The following TMEM145 variants were observed in gnomAD, a reference collection of about 807,000 sequenced individuals.
The protein encoded by TMEM145 is transmembrane protein 145.
TMEM145 carries 46 observed loss-of-function variants against 68.5 expected under a neutral mutation model. The ratio of observed to expected loss-of-function variants is 0.67; its 90% CI spans 0.53 to 0.86. TMEM145 has a LOEUF of 0.86. TMEM145 is among the 40% of genes least tolerant of loss of function. The pLI is 0.00. For missense variants in TMEM145, 570 were observed against 645.8 expected (o/e 0.88, Z 1.27); for synonymous variants, 255 against 280.2 (o/e 0.91, Z 0.90).
At chr19:42,324,694 C>A in intron 14 of TMEM145, 43 bp from the exon 15 acceptor site, 2 of 1,044,776 alleles carry the variant, frequency 1.9e-6, no homozygotes, top group Non-Finnish European at 2.5e-6. Flanking sequence ...CCCTCTGTGC[C>A]AAACGGTCCC....
At position 42,316,875 on chromosome 19, in the gene TMEM145, G is replaced by A. The variant is rs759395889; in HGVS notation, c.812G>A (p.Arg271His). 1.2e-5 allele frequency: 19 copies of A among 1,613,026 alleles called. No individual in the cohort carries two copies. The highest frequency in any genetic ancestry group is 3.3e-5 in the South Asian group (3 of 91,076). The change falls in exon 11 of 15, where the codon CGC becomes CAC. Residue 271 changes from arginine to histidine, a missense_variant. By Grantham distance (29) the Arg-to-His change is conservative. Coordinates refer to ENST00000301204, the MANE Select transcript of TMEM145 (RefSeq NM_173633.3). ...CCCTCATGGCCTGCTGCCAGGGGCC[G>A]CATCAGCCACGCGGGCTCCGTGAAG... ...LGKGFTVTRG[R>H]ISHAGSVKLS...
chr19:42,323,620 C>G lies in TMEM145; in HGVS notation c.1232C>G (p.Pro411Arg). ...CCATCAGCGGCCAACAAGAACTTCC[C>G]GTACCACGTGCGCACGTCGCAGATC... is the stretch of plus-strand genomic sequence containing the variant. ...TRPSAANKNF[P>R]YHVRTSQIAS... Residue 411 changes from proline to arginine, a missense_variant, in exon 14 of 15, where the codon CCG becomes CGG. Pro to Arg is a moderately radical substitution (Grantham distance 103). Transcript: ENST00000301204. 6.2e-7 allele frequency: 1 copy of G among 1,614,170 alleles called. No homozygotes were observed. Among genetic ancestry groups the G allele is most frequent in the Non-Finnish European group, 8.5e-7 (1 of 1,180,016 alleles).
At chr19:42,321,345 A>C (rs1331704043) in intron 13 of TMEM145, 7 of 340,646 alleles carry the variant, frequency 2.1e-5, no homozygotes, top group Non-Finnish European at 3.6e-5. Context: ...CCTCCGGAGT[A>C]GCTGGGACTA....
rs761158439 is a variant in TMEM145, at chr19:42,317,763, C to T, written c.955C>T (p.Leu319Phe). Residue 319 changes from leucine (L) to phenylalanine (F), a missense_variant, in exon 12 of 15, where the codon CTC (leucine) becomes TTC (phenylalanine). Physicochemically the swap from Leu to Phe is conservative, Grantham distance 22. Transcript: ENST00000301204. ...GTATGAGTCGCCGGCCGGCTACGGG[C>T]TCATTGGACTGCAGGTGGCGGCCTA... ...YTYESPAGYGLIGLQVAAYVW... is the reference protein window; with the variant it reads ...YTYESPAGYGFIGLQVAAYVW... 6.2e-7 allele frequency: 1 copy of T among 1,614,144 alleles called. No individual in the cohort carries two copies. Among genetic ancestry groups the T allele is most frequent in the Non-Finnish European group, 8.5e-7 (1 of 1,180,022 alleles).
chr19:42,321,298 C>T (rs1437976341), intron 13 of TMEM145: 5 of 392,056 alleles, frequency 1.3e-5, no homozygotes, highest in Admixed American at 4.5e-5. Context: ...GATCTTGGCT[C>T]ACTGCAACCT....
chr19:42,315,461 T>G, intron 8 of TMEM145, 21 bp downstream of exon 8: 1 of 1,613,888 alleles, frequency 6.2e-7, no homozygotes, highest in Non-Finnish European at 8.5e-7. Flanking sequence ...GTGTCCCAAC[T>G]TTTGGGTTCT....
In TMEM145 at chr19:42,314,490, C is replaced by A. The variant is rs759635439; in HGVS notation, c.235C>A (p.Pro79Thr). ...CQNILLYFDD[P>T]SQWPAVYKAG... is the part of the protein sequence containing the mutation. The stretch of plus-strand genomic sequence containing the variant: ...GAACATCCTCCTCTATTTTGATGAC[C>A]CATCCCAGTGGCCAGCCGTGTACAA... Residue 79 changes from proline (P) to threonine (T), a missense_variant, in exon 3 of 15, where the codon CCA becomes ACA. By Grantham distance (38) the Pro-to-Thr change is conservative. Coordinates refer to ENST00000301204, the MANE Select transcript of TMEM145 (RefSeq NM_173633.3). The A allele has an allele frequency of 6.2e-7, 1 of 1,614,096 alleles. No homozygotes were observed. The highest frequency in any genetic ancestry group is 1.1e-5 in the South Asian group (1 of 91,070).
At position 42,314,836 on chromosome 19, in the gene TMEM145, C is replaced by A. The variant is rs760660404; in HGVS notation, c.405C>A (p.Gly135=). The A allele has an allele frequency of 6.2e-7, 1 of 1,614,202 alleles. No individual in the cohort carries two copies. The highest frequency in any genetic ancestry group is 1.1e-5 in the South Asian group (1 of 91,088). The change falls in exon 5 of 15, where the codon GGC becomes GGA. Residue 135 remains glycine, a synonymous_variant. Transcript: ENST00000301204. ...CCCGCTACCTGAGCTGCTCCAGTGG[C>A]CGCAGCTTCCGCTCAGTGCGTGAAC... is the stretch of plus-strand genomic sequence containing the variant. ...EGTRYLSCSS[G]RSFRSGDGLQ... is the part of the protein sequence containing the mutation.
At chr19:42,323,322 C>T (rs1364016917) in intron 13 of TMEM145, among the ~76,000 whole-genome samples, 1 of 152,174 alleles carries the variant, frequency 6.6e-6, no homozygotes, top group East Asian at 1.9e-4. Flanking sequence ...TCATACAGTG[C>T]AGGACGCTGA....
intron 1 of TMEM145, 124 bp from the exon 2 acceptor site, chr19:42,314,148 C>T: frequency 2.1e-6 from 2 of 956,916 alleles, no homozygotes; most frequent in Non-Finnish European, 3.4e-6. Flanking sequence ...TTGGAGGTGA[C>T]CTGGTCTCCT....
In TMEM145 at chr19:42,320,425, T is replaced by C. The variant is rs1355873971; in HGVS notation, c.1182T>C (p.His394=). The change falls in exon 13 of 15, where the codon CAT becomes CAC. Residue 394 remains histidine, a synonymous_variant. Transcript: ENST00000301204. ...GIQLGIHLYA[H]GVFLIMTRPS... ...AGCTGGGGATCCACTTGTACGCCCATGGCGTGTTTCTGGTGAGGATGGGCA... is the reference window on the plus strand; with the variant it reads ...AGCTGGGGATCCACTTGTACGCCCACGGCGTGTTTCTGGTGAGGATGGGCA... 6.2e-7 allele frequency: 1 copy of C among 1,613,924 alleles called. No individual in the cohort carries two copies. The highest frequency in any genetic ancestry group is 1.1e-5 in the South Asian group (1 of 91,076).
intron 13 of TMEM145, among the ~76,000 whole-genome samples, chr19:42,320,758 G>T (rs1173995604): frequency 1.3e-5 from 2 of 151,916 alleles, no homozygotes; most frequent in African/African-American, 4.8e-5. Context: ...CTCCCGAGTA[G>T]CTGGGATTAC....
At position 42,313,990 on chromosome 19, in the gene TMEM145, G is replaced by T. The variant is rs969324653; in HGVS notation, c.121-282G>T. 6.6e-6 allele frequency among the ~76,000 whole-genome samples: 1 copy of T among 151,922 alleles called. No homozygotes were observed. Among genetic ancestry groups the T allele is most frequent in the Admixed American group, 6.6e-5 (1 of 15,258 alleles). On this transcript the variant is annotated intron_variant, in intron 1 of 14. Coordinates refer to ENST00000301204, the MANE Select transcript of TMEM145 (RefSeq NM_173633.3). This position sits in a 1 kb window ranked among gnomAD's most constrained non-coding sequence, Gnocchi z 5.1. ...ATGAGGTGGCCAGGATGAGCATCTG[G>T]CCCCTAAGGTCTTTCTCCCCAGAAA...
At position 42,320,207 on chromosome 19, in the gene TMEM145, G is replaced by T. The variant is rs2038897952; in HGVS notation, c.1074-110G>T. 3 of 1,477,638 alleles carry T rather than the reference G, an allele frequency of 2.0e-6. No individual in the cohort carries two copies. The African/African-American group carries it at 4.1e-5, about 20-fold the overall frequency. 91.5% of individuals were successfully genotyped at this position (1,477,638 alleles called of 1,614,324 possible). On this transcript the variant is annotated intron_variant, in intron 12 of 14. Coordinates refer to ENST00000301204, the MANE Select transcript of TMEM145 (RefSeq NM_173633.3). ...TGAAGGTCACACTGGCTTCCCTCCA[G>T]TTTGGGACCTGCCTGGGGTCTGCGT...
rs905137168 is a variant in TMEM145, at chr19:42,317,106, ATCTG to A, written c.900+147_900+150del. ...CCACTCTTCGATTTTCTGCTTTCCC[ATCTG>A]TCTAAGTGATTCCTCCTCTCTTCAC... is the stretch of plus-strand genomic sequence containing the variant. On this transcript the variant is annotated intron_variant, in intron 11 of 14. Coordinates refer to ENST00000301204, the MANE Select transcript of TMEM145 (RefSeq NM_173633.3). The A allele has an allele frequency of 7.0e-6, 5 of 713,038 alleles. No individual in the cohort carries two copies. In the African/African-American group the frequency reaches 8.7e-5, roughly 12 times the overall value. 44.2% of individuals were successfully genotyped at this position (713,038 alleles called of 1,614,324 possible).
At chr19:42,324,364 C>T in intron 14 of TMEM145, 6 of 985,344 alleles carry the variant, frequency 6.1e-6, no homozygotes, top group Non-Finnish European at 7.2e-6. Flanking sequence ...CGGGCGCAGC[C>T]TCCCCCCCAC....
intron 8 of TMEM145, among the ~76,000 whole-genome samples, chr19:42,315,880 A>G (rs1307668008): frequency 6.6e-6 from 1 of 152,230 alleles, no homozygotes; most frequent in Middle Eastern, 3.4e-3. Flanking sequence ...AAATACAAAA[A>G]TTAGCTGGAC....
chr19:42,317,733 T>C lies in TMEM145; in HGVS notation c.925T>C (p.Tyr309His), dbSNP rs1023656465. 1.9e-6 allele frequency: 3 copies of C among 1,614,050 alleles called. No homozygotes were observed. The highest frequency in any genetic ancestry group is 2.5e-6 in the Non-Finnish European group (3 of 1,180,038). Residue 309 changes from tyrosine (Y) to histidine (H), a missense_variant, in exon 12 of 15, where the codon TAC becomes CAC. Transcript: ENST00000301204. The part of the protein sequence containing the change: ...AEFFDPGQVL[Y>H]TYESPAGYGL... The stretch of plus-strand genomic sequence containing the variant: ...GTTCTTTGACCCAGGCCAGGTACTG[T>C]ACACGTATGAGTCGCCGGCCGGCTA...
intron 12 of TMEM145, 49 bp downstream of exon 12, chr19:42,317,930 C>T: frequency 6.2e-7 from 1 of 1,603,830 alleles, no homozygotes; most frequent in South Asian, 1.1e-5. Context: ...CTCGGGGCTC[C>T]CCAGAAGTGG....
Sources: gnomAD v4.1 joint callset for allele counts (sites outside exome capture counted in the v4.1 genomes callset) on GRCh38, gnomAD v4.1.1 for gene constraint, Gnocchi (gnomAD v3.1) non-coding constraint, MANE v1.5 for transcripts, NCBI Gene and HGNC (gene_info 2026-07-23, HGNC 2026-07-21) for gene names.